NMBR: variants seen among roughly 807,000 people sequenced by gnomAD.
NMBR encodes the protein neuromedin-B receptor.
In NMBR, 16 loss-of-function variants were observed where a neutral mutation model predicts 20.5. That is an observed-to-expected ratio of 0.78 (90% CI 0.53 to 1.19). NMBR has a LOEUF of 1.19. Among genes scored for constraint, NMBR ranks in the 50% most tolerant of loss-of-function variants. The pLI, the probability that NMBR is intolerant of heterozygous loss-of-function variation, is 0.00. For synonymous variants in NMBR, 212 were observed against 196.6 expected, an observed-to-expected ratio of 1.08 and a Z score of -0.65; for missense variants, 582 against 499.1, an observed-to-expected ratio of 1.17 and a Z score of -1.58.
chr6:142,138,436 GATC>G (rs746851239), intron 1 of NMBR, among the ~76,000 whole-genome samples: 6 of 152,038 alleles, frequency 3.9e-5, no homozygotes, highest in Admixed American at 2.0e-4. Flanking sequence ...CGTATAAAAA[GATC>G]ATCAAGATTT....
chr6:142,140,903 T>A (rs1447648178), intron 1 of NMBR, among the ~76,000 whole-genome samples: 2 of 152,148 alleles, frequency 1.3e-5, no homozygotes, highest in East Asian at 1.9e-4. Context: ...GTAATATGTA[T>A]GCCACCAGTT....
Position 142,075,758 on chromosome 6 carries a change from G to A in NMBR, c.1063C>T (p.Leu355Phe). 6.2e-7 allele frequency: 1 copy of A among 1,614,090 alleles called. No individual in the cohort carries two copies. The highest frequency in any genetic ancestry group is 8.5e-7 in the Non-Finnish European group (1 of 1,179,946). ...SYQERGTSYLLSSSAVRMTSL... is the reference protein window; with the variant it reads ...SYQERGTSYLFSSSAVRMTSL... ...GTCATACGCACCGCTGAAGAGCTGAGTAGGTAGCTGGTTCCTCTCTCTTGA... is the reference window on the plus strand; with the variant it reads ...GTCATACGCACCGCTGAAGAGCTGAATAGGTAGCTGGTTCCTCTCTCTTGA... The change falls in exon 4 of 4, where the codon CTC becomes TTC. Residue 355 changes from leucine (L) to phenylalanine (F), a missense_variant. By Grantham distance (22) the Leu-to-Phe change is conservative. Coordinates refer to ENST00000258042, the MANE Select transcript of NMBR (RefSeq NM_002511.4).
rs1292942590 is a variant in NMBR at position 142,088,438 on chromosome 6, A to G, written c.221T>C (p.Met74Thr). The G allele has an allele frequency of 6.2e-6, 10 of 1,614,030 alleles. No individual in the cohort carries two copies. The highest frequency in any genetic ancestry group is 1.6e-4 in the Middle Eastern group (1 of 6,062). ...LVKIFITNSA[M>T]RSVPNIFISN... ...GATGAAGATGTTGGGGACGCTCCTC[A>G]TGGCGCTGTTGGTGATGAAGATCTT... Residue 74 changes from methionine (M) to threonine (T), a missense_variant, in exon 2 of 4, where the codon ATG (methionine) becomes ACG (threonine). Physicochemically the swap from Met to Thr is moderately conservative, Grantham distance 81. Coordinates refer to ENST00000258042, the MANE Select transcript of NMBR (RefSeq NM_002511.4).
chr6:142,147,096 T>G lies in NMBR; in HGVS notation c.-716A>C, dbSNP rs1310878240. The G allele has an allele frequency of 1.7e-6, 1 of 594,118 alleles. No individual in the cohort carries two copies. The allele number at this position is 594,118 out of a possible 1,614,324, so 36.8% of individuals were successfully genotyped here. ...GCATAAGCGCCAAAATGCTCGGGTC[T>G]TCTGTGGGTTCTAACCGCCGAGAGC... is the stretch of plus-strand genomic sequence containing the variant. On this transcript the variant is annotated 5_prime_UTR_variant, in exon 1 of 4. Transcript: ENST00000258042.
rs143503558 is a variant in NMBR, at chr6:142,104,108, C to T, written c.-663-14787G>A. Among the ~76,000 whole-genome samples the T allele has an allele frequency of 4.6e-5, 7 of 152,234 alleles. No homozygotes were observed. In the East Asian group the frequency reaches 1.3e-3, roughly 29 times the overall value. ...CGGCCATACTGGTTTGAACTACTGG[C>T]CTTAAGGTATTCTCCTGTCCTTGCC... On this transcript the variant is annotated intron_variant, in intron 1 of 3. Transcript: ENST00000258042.
chr6:142,131,718 A>G (rs1394359496), intron 1 of NMBR, among the ~76,000 whole-genome samples: 6 of 152,172 alleles, frequency 3.9e-5, no homozygotes, highest in Non-Finnish European at 7.3e-5. Flanking sequence ...AAAGATTGGC[A>G]TTATTTGGCC....
chr6:142,118,079 A>G (rs1777883249), intron 1 of NMBR, among the ~76,000 whole-genome samples: 1 of 151,976 alleles, frequency 6.6e-6, no homozygotes, highest in South Asian at 2.1e-4. Context: ...AAAAGAAAAG[A>G]AAACTGGGCA....
chr6:142,098,908 T>C (rs1268517715), intron 1 of NMBR, among the ~76,000 whole-genome samples: 1 of 152,106 alleles, frequency 6.6e-6, no homozygotes, highest in African/African-American at 2.4e-5. Context: ...TCAAGACTTA[T>C]TATAAAGCTA....
chr6:142,121,694 C>A (rs1267094115), intron 1 of NMBR, among the ~76,000 whole-genome samples: 2 of 151,760 alleles, frequency 1.3e-5, no homozygotes, highest in African/African-American at 4.8e-5. Flanking sequence ...TTTATTCCCT[C>A]CTTAGCCTTA....
At chr6:142,133,067 G>A in intron 1 of NMBR, 2 of 570,010 alleles carry the variant, frequency 3.5e-6, no homozygotes, top group East Asian at 5.7e-5. Context: ...AGAGTCCTGA[G>A]AGAATGTAAG....
At chr6:142,078,455 G>A (rs1403399084) in intron 3 of NMBR, 100 bp downstream of exon 3, 3 of 679,080 alleles carry the variant, frequency 4.4e-6, no homozygotes, top group Non-Finnish European at 7.4e-6. Flanking sequence ...GCCCAACTCT[G>A]TTCTCCTCAG....
At chr6:142,102,019 C>A (rs1456430303) in intron 1 of NMBR, among the ~76,000 whole-genome samples, 1 of 152,144 alleles carries the variant, frequency 6.6e-6, no homozygotes, top group Non-Finnish European at 1.5e-5. Flanking sequence ...ATACCAAGAG[C>A]TTGGAGTGTG....
rs1777249028 is a variant in NMBR at position 142,088,563 on chromosome 6, G to A, written c.96C>T (p.Ala32=). The change falls in exon 2 of 4, where the codon GCC becomes GCT. Residue 32 remains alanine, a synonymous_variant. Coordinates refer to ENST00000258042, the MANE Select transcript of NMBR (RefSeq NM_002511.4). The stretch of plus-strand genomic sequence containing the variant: ...CCAACTCCGTGGTGGTCCCGTCCGA[G>A]GCCGGCAGGAAATCCCTTTCCCACC... ...PEGWERDFLP[A]SDGTTTELVI... 1 of 1,613,824 alleles carries A rather than the reference G, an allele frequency of 6.2e-7. No individual in the cohort carries two copies. The highest frequency in any genetic ancestry group is 8.5e-7 in the Non-Finnish European group (1 of 1,180,002).
intron 1 of NMBR, among the ~76,000 whole-genome samples, chr6:142,104,960 A>AT (rs1200130608): frequency 6.6e-6 from 1 of 152,098 alleles, no homozygotes; most frequent in African/African-American, 2.4e-5. Flanking sequence ...GTTAGGAGCA[A>AT]TTTTTGTGGC....
chr6:142,075,678 C>A lies in NMBR; in HGVS notation c.1143G>T (p.Gly381=), dbSNP rs768979787. 1.2e-6 allele frequency: 2 copies of A among 1,612,498 alleles called. No homozygotes were observed. The highest frequency in any genetic ancestry group is 1.7e-6 in the Non-Finnish European group (2 of 1,179,168). ...GTGCCATTTCCTGCTTCATGCTGTG[C>A]CCATTTAGTAAAACAGAATTGGTCA... is the stretch of plus-strand genomic sequence containing the variant. ...NMVTNSVLLN[G]HSMKQEMAL Residue 381 remains glycine, a synonymous_variant, in exon 4 of 4, where the codon GGG becomes GGT. Transcript: ENST00000258042.
At chr6:142,107,698 T>G (rs1318436253) in intron 1 of NMBR, among the ~76,000 whole-genome samples, 1 of 152,128 alleles carries the variant, frequency 6.6e-6, no homozygotes, top group Non-Finnish European at 1.5e-5. Flanking sequence ...AGTGTGACCC[T>G]TATACCGGAA....
At chr6:142,079,197 GGGAAGGAA>G (rs753320241) in intron 2 of NMBR, among the ~76,000 whole-genome samples, 5 of 151,466 alleles carry the variant, frequency 3.3e-5, no homozygotes, top group Admixed American at 6.6e-5. Flanking sequence ...GAAAAGAAAA[GGGAAGGAA>G]GGAAGGAAGG....
chr6:142,117,168 T>C (rs1012042957), intron 1 of NMBR, among the ~76,000 whole-genome samples: 25 of 151,916 alleles, frequency 1.6e-4, no homozygotes, highest in East Asian at 1.9e-4. Flanking sequence ...GAAAAGTATA[T>C]AGCCCAAACA....
At chr6:142,106,474 A>G (rs558227221) in intron 1 of NMBR, among the ~76,000 whole-genome samples, 2 of 152,360 alleles carry the variant, frequency 1.3e-5, no homozygotes, top group South Asian at 4.1e-4. Context: ...CTGTTTTACC[A>G]AAAACTTTTT....
Sources: gnomAD v4.1 joint callset for allele counts (sites outside exome capture counted in the v4.1 genomes callset) on GRCh38, gnomAD v4.1.1 for gene constraint, MANE v1.5 for transcripts, NCBI Gene and HGNC (gene_info 2026-07-23, HGNC 2026-07-21) for gene names.